Variants in DNAAF4 observed in about 807,000 individuals in gnomAD.
DNAAF4 encodes dynein axonemal assembly factor 4.
A neutral mutation model predicts 51.8 loss-of-function variants in DNAAF4; 43 were observed. The ratio of observed to expected loss-of-function variants is 0.83; its 90% confidence interval spans 0.65 to 1.07. DNAAF4 has a LOEUF of 1.07. Ranked by LOEUF, DNAAF4 falls within the 50% of genes least tolerant of loss-of-function variation. DNAAF4 has a pLI of 0.00. For missense variants in DNAAF4, 581 were observed against 493.0 expected (o/e 1.18, Z -1.69); for synonymous variants, 194 against 165.6 (o/e 1.17, Z -1.32).
intron 6 of DNAAF4, among the ~76,000 whole-genome samples, chr15:55,441,857 G>C (rs2057720081): frequency 1.3e-5 from 2 of 152,056 alleles, no homozygotes; most frequent in African/African-American, 4.8e-5. Flanking sequence ...ACAGATTTGA[G>C]GTATTCATTC....
intron 1 of DNAAF4, among the ~76,000 whole-genome samples, chr15:55,504,491 T>C (rs2058716176): frequency 6.6e-6 from 1 of 152,142 alleles, no homozygotes; most frequent in Admixed American, 6.5e-5. Context: ...AGATCAAAGC[T>C]GGAGGCATTA....
chr15:55,431,369 C>T (rs2057490815), intron 9 of DNAAF4, among the ~76,000 whole-genome samples: 1 of 149,868 alleles, frequency 6.7e-6, no homozygotes, highest in Non-Finnish European at 1.5e-5. Context: ...TACACACACA[C>T]ACACACACAC....
At chr15:55,483,192 G>C (rs1234987953) in intron 4 of DNAAF4, among the ~76,000 whole-genome samples, 1 of 152,058 alleles carries the variant, frequency 6.6e-6, no homozygotes, top group Non-Finnish European at 1.5e-5. Flanking sequence ...TGCCTCCCAG[G>C]TTCAAGCAAT....
At position 55,476,015 on chromosome 15, in the gene DNAAF4, G is replaced by T. The variant is rs543914296; in HGVS notation, c.406-8854C>A. ...TGGATAGAAGACAATGAAATGACATGTTCAAAGTACCGACAGAAAAAAACA... is the reference window on the plus strand; with the variant it reads ...TGGATAGAAGACAATGAAATGACATTTTCAAAGTACCGACAGAAAAAAACA... On this transcript the variant is annotated intron_variant, in intron 4 of 9. Transcript: ENST00000321149. Among the ~76,000 whole-genome samples the T allele has an allele frequency of 3.9e-5, 6 of 152,222 alleles. No individual in the cohort carries two copies. In the South Asian group the frequency reaches 1.0e-3, roughly 26 times the overall value.
chr15:55,484,198 A>G (rs768721842), intron 4 of DNAAF4, among the ~76,000 whole-genome samples: 4 of 151,988 alleles, frequency 2.6e-5, no homozygotes, highest in Non-Finnish European at 5.9e-5. Flanking sequence ...AAAAATTAAA[A>G]ATAGGCCGGG....
intron 1 of DNAAF4, among the ~76,000 whole-genome samples, chr15:55,504,339 C>T (rs183950536): frequency 1.1e-3 from 170 of 152,206 alleles, no homozygotes; most frequent in African/African-American, 3.9e-3. Flanking sequence ...GAAAATGGTC[C>T]TACTGCCCAA....
At chr15:55,459,150 C>G (rs956807024) in intron 5 of DNAAF4, among the ~76,000 whole-genome samples, 1 of 151,494 alleles carries the variant, frequency 6.6e-6, no homozygotes, top group African/African-American at 2.4e-5. Flanking sequence ...AGATTAACAG[C>G]AGATTTCTTA....
In DNAAF4 at chr15:55,430,317, A is replaced by C; in HGVS notation, c.*353T>G. 1 of 868,206 alleles carries C rather than the reference A, an allele frequency of 1.2e-6. No individual in the cohort carries two copies. The highest frequency in any genetic ancestry group is 1.4e-6 in the Non-Finnish European group (1 of 722,680). The allele number at this position is 868,206 out of a possible 1,614,324, so 53.8% of individuals were successfully genotyped here. On this transcript the variant is annotated 3_prime_UTR_variant, in exon 10 of 10. Coordinates refer to ENST00000321149, the MANE Select transcript of DNAAF4 (RefSeq NM_130810.4). Reference sequence around the variant, plus strand: ...TTAATACAAACAAAAGTTATTTATAAATCTTTTATTTTAAAATTCTACCTT... The same window carrying C: ...TTAATACAAACAAAAGTTATTTATACATCTTTTATTTTAAAATTCTACCTT...
rs1027778535 is a variant in DNAAF4, at chr15:55,508,209, G to C, written c.-343C>G. On this transcript the variant is annotated 5_prime_UTR_variant, in exon 1 of 10. Transcript: ENST00000321149. Reference sequence around the variant, plus strand: ...GCCAGAGTAGTCTGCTGGATCCATGGTGTGGGTTTGCATAATAGGAGAGGA... The same window carrying C: ...GCCAGAGTAGTCTGCTGGATCCATGCTGTGGGTTTGCATAATAGGAGAGGA... The C allele has an allele frequency of 3.3e-5, 5 of 152,242 alleles. No individual in the cohort carries two copies. Among genetic ancestry groups the C allele is most frequent in the Admixed American group, 6.5e-5 (1 of 15,282 alleles). 9.4% of individuals were successfully genotyped at this position (152,242 alleles called of 1,614,324 possible).
At position 55,439,586 on chromosome 15, in the gene DNAAF4, A is replaced by G; in HGVS notation, c.784-5T>C. On this transcript the variant is annotated splice_region_variant and splice_polypyrimidine_tract_variant and intron_variant, in intron 6 of 9. Coordinates refer to ENST00000321149, the MANE Select transcript of DNAAF4 (RefSeq NM_130810.4). The stretch of plus-strand genomic sequence containing the variant: ...CTCAGCTTGTTTGTGTAGCCACTAG[A>G]ATGAGAAAGAAGTCTTATGAAGAAT... 2 of 1,611,784 alleles carry G rather than the reference A, an allele frequency of 1.2e-6. No homozygotes were observed. Among genetic ancestry groups the G allele is most frequent in the Non-Finnish European group, 1.7e-6 (2 of 1,178,552 alleles).
chr15:55,447,180 G>A (rs1412072859), intron 6 of DNAAF4, among the ~76,000 whole-genome samples: 4 of 146,888 alleles, frequency 2.7e-5, no homozygotes, highest in African/African-American at 7.6e-5. Context: ...CCCAGATGAT[G>A]GGCGGCCGGG....
At chr15:55,501,591 G>A (rs1272587534) in intron 1 of DNAAF4, among the ~76,000 whole-genome samples, 1 of 150,384 alleles carries the variant, frequency 6.6e-6, no homozygotes, top group Non-Finnish European at 1.5e-5. Flanking sequence ...TAGCCAGGAT[G>A]GTCTCGATCT....
downstream of DNAAF4, among the ~76,000 whole-genome samples, chr15:55,425,956 G>C (rs1465966925): frequency 6.6e-6 from 1 of 152,180 alleles, no homozygotes; most frequent in Non-Finnish European, 1.5e-5. Context: ...AATTCACACA[G>C]AGCCAGCTAT....
rs35040612 is a variant in DNAAF4 at position 55,477,660 on chromosome 15, G to GTA, written c.406-10501_406-10500dup. Among the ~76,000 whole-genome samples the GTA allele has an allele frequency of 3.2e-3, 482 of 150,634 alleles. 6 individuals are homozygous for GTA. The East Asian group carries it at 0.033, about 10-fold the overall frequency. On this transcript the variant is annotated intron_variant, in intron 4 of 9. Coordinates refer to ENST00000321149, the MANE Select transcript of DNAAF4 (RefSeq NM_130810.4). Reference sequence around the variant, plus strand: ...TGTATGTATGTATGCGTGTGTGTGTGTATATATATATATACATATATACAC... The same window carrying GTA: ...TGTATGTATGTATGCGTGTGTGTGTGTATATATATATATATACATATATACAC...
At chr15:55,432,729 T>G in intron 8 of DNAAF4, 127 bp from the exon 9 acceptor site, 1 of 678,080 alleles carries the variant, frequency 1.5e-6, no homozygotes. Context: ...GTGGATCACC[T>G]GAAGTCAGGA....
intron 5 of DNAAF4, among the ~76,000 whole-genome samples, chr15:55,461,014 C>A (rs1217075634): frequency 6.6e-6 from 1 of 152,130 alleles, no homozygotes; most frequent in South Asian, 2.1e-4. Context: ...ATCCACCTTC[C>A]CTGGCCTCCC....
chr15:55,460,441 A>G (rs1477774874), intron 5 of DNAAF4, among the ~76,000 whole-genome samples: 1 of 152,048 alleles, frequency 6.6e-6, no homozygotes, highest in African/African-American at 2.4e-5. Context: ...CGGCCTCCCA[A>G]AGTGCTGAGA....
At chr15:55,467,927 A>G (rs2058193286) in intron 4 of DNAAF4, among the ~76,000 whole-genome samples, 1 of 152,176 alleles carries the variant, frequency 6.6e-6, no homozygotes, top group Non-Finnish European at 1.5e-5. Context: ...GTTGGTGTAC[A>G]TGATTGACTC....
chr15:55,447,886 A>AGAGGTGAGAGGGGG, intron 6 of DNAAF4, among the ~76,000 whole-genome samples: 1 of 148,190 alleles, frequency 6.7e-6, no homozygotes, highest in African/African-American at 2.5e-5. Flanking sequence ...GGGAGAGGGG[A>AGAGGTGAGAGGGGG]GCCCCTTTAT....
Sources: allele counts gnomAD v4.1 joint callset (sites outside exome capture counted in the v4.1 genomes callset), GRCh38; gene constraint gnomAD v4.1.1; transcripts MANE v1.5; gene names NCBI Gene and HGNC (gene_info 2026-07-23, HGNC 2026-07-21).